The following ANKEF1 variants were observed in gnomAD, a reference collection of about 807,000 sequenced individuals.
The protein encoded by ANKEF1 is ankyrin repeat and EF-hand domain containing 1.
ANKEF1 carries 43 observed loss-of-function variants against 65.1 expected under a neutral mutation model. That is an observed-to-expected ratio of 0.66 (90% CI 0.52 to 0.85). The LOEUF (loss-of-function observed/expected upper bound fraction) is 0.85, where lower values mean the gene tolerates loss of function less well. Ranked by LOEUF, ANKEF1 falls within the 40% of genes least tolerant of loss-of-function variation. The probability of loss-of-function intolerance (pLI) is 0.00; values close to 1 mark genes in which losing one functional copy is unlikely to be tolerated. For missense variants in ANKEF1, 934 were observed against 952.9 expected (o/e 0.98, Z 0.26); for synonymous variants, 316 against 341.5 (o/e 0.93, Z 0.82).
At chr20:10,045,422 A>C in intron 5 of ANKEF1, 152 bp from the exon 6 acceptor site, 1 of 774,162 alleles carries the variant, frequency 1.3e-6, no homozygotes, top group East Asian at 2.9e-5. Flanking sequence ...ATGAAACTTA[A>C]ATATTTTCAG....
At position 10,055,646 on chromosome 20, in the gene ANKEF1, G is replaced by A; in HGVS notation, c.2317G>A (p.Ala773Thr). 6.2e-7 allele frequency: 1 copy of A among 1,613,780 alleles called. No homozygotes were observed. The highest frequency in any genetic ancestry group is 8.5e-7 in the Non-Finnish European group (1 of 1,179,766). ...AGAGAAAGCTCGAGCACTGGAAGCT[G>A]CCTTGAAGACCTAAGTCATAGCAGT... ...ITEKARALEA[A>T]LKT Residue 773 changes from alanine (A) to threonine (T), a missense_variant, in exon 11 of 11, where the codon GCC becomes ACC. Transcript: ENST00000378392.
At chr20:10,041,997 A>G (rs960141305) in intron 3 of ANKEF1, among the ~76,000 whole-genome samples, 1 of 152,112 alleles carries the variant, frequency 6.6e-6, no homozygotes, top group Non-Finnish European at 1.5e-5. Context: ...TGTAGCATTG[A>G]ATGTTGTTGT....
At position 10,055,950 on chromosome 20, in the gene ANKEF1, C is replaced by T. The variant is rs1268293870; in HGVS notation, c.*290C>T. ...GTTGCTGTCAAAAGATTTACCAGGT[C>T]TACACCATTATGCTTATTATTTTTT... is the stretch of plus-strand genomic sequence containing the variant. On this transcript the variant is annotated 3_prime_UTR_variant, in exon 11 of 11. Transcript: ENST00000378392. 2 of 322,894 alleles carry T rather than the reference C, an allele frequency of 6.2e-6. No homozygotes were observed. Among genetic ancestry groups the T allele is most frequent in the Non-Finnish European group, 5.9e-6 (1 of 170,038 alleles). 20.0% of individuals were successfully genotyped at this position (322,894 alleles called of 1,614,324 possible).
intron 8 of ANKEF1, 29 bp downstream of exon 8, chr20:10,051,918 G>A: frequency 6.6e-7 from 1 of 1,514,608 alleles, no homozygotes; most frequent in South Asian, 1.2e-5. Context: ...GATGATTAGG[G>A]TTAGAAAAGG....
At chr20:10,051,942 G>C (rs573580151) in intron 8 of ANKEF1, 53 bp downstream of exon 8, 1 of 1,353,520 alleles carries the variant, frequency 7.4e-7, no homozygotes, top group Non-Finnish European at 1.0e-6. Flanking sequence ...ACTTATGTTA[G>C]ATTCTAAGCC....
In ANKEF1 at chr20:10,056,560, T is replaced by G. The variant is rs1985182183; in HGVS notation, c.*900T>G. 6.6e-6 allele frequency: 1 copy of G among 150,726 alleles called. No homozygotes were observed. Among genetic ancestry groups the G allele is most frequent in the African/African-American group, 2.4e-5 (1 of 40,998 alleles). 9.3% of individuals were successfully genotyped at this position (150,726 alleles called of 1,614,324 possible). On this transcript the variant is annotated 3_prime_UTR_variant, in exon 11 of 11. Transcript: ENST00000378392. ...TAGAGATTTATTGCAAATAATTGGTTTACATAATTTTGGGCCCCAGATGGT... is the reference window on the plus strand; with the variant it reads ...TAGAGATTTATTGCAAATAATTGGTGTACATAATTTTGGGCCCCAGATGGT...
intron 8 of ANKEF1, among the ~76,000 whole-genome samples, 194 bp from the exon 9 acceptor site, chr20:10,052,918 T>C (rs764183227): frequency 6.6e-6 from 1 of 152,082 alleles, no homozygotes; most frequent in Non-Finnish European, 1.5e-5. Flanking sequence ...GCACTATAAA[T>C]CATGGGATCT....
chr20:10,055,441 T>G, intron 10 of ANKEF1, 61 bp from the exon 11 acceptor site: 3 of 1,457,372 alleles, frequency 2.1e-6, no homozygotes, highest in Non-Finnish European at 2.9e-6. Context: ...GTCTGGATAT[T>G]AGCATATTTA....
chr20:10,035,458 A>G (rs1048061158), intron 1 of ANKEF1, 121 bp from the exon 2 acceptor site: 9 of 152,248 alleles, frequency 5.9e-5, no homozygotes, highest in Admixed American at 6.5e-5. Flanking sequence ...CATGTAAACT[A>G]TCGCTTACAC....
At chr20:10,050,562 ATAAAT>A (rs1279076443) in intron 7 of ANKEF1, among the ~76,000 whole-genome samples, 1 of 152,094 alleles carries the variant, frequency 6.6e-6, no homozygotes, top group African/African-American at 2.4e-5. Flanking sequence ...AAAGCCTATA[ATAAAT>A]TAATTAAGCC....
At chr20:10,053,365 TAC>T (rs1984977422) in intron 9 of ANKEF1, 90 bp downstream of exon 9, 5 of 1,164,166 alleles carry the variant, frequency 4.3e-6, no homozygotes, top group Non-Finnish European at 1.2e-6. Flanking sequence ...CATATTGTTA[TAC>T]AACATGGGTA....
At chr20:10,042,467 G>T (rs1171396099) in intron 3 of ANKEF1, among the ~76,000 whole-genome samples, 1 of 152,042 alleles carries the variant, frequency 6.6e-6, no homozygotes, top group Non-Finnish European at 1.5e-5. Flanking sequence ...GTAACACTCT[G>T]CCCTGGGTTT....
chr20:10,053,647 G>A (rs1356026669), intron 9 of ANKEF1, among the ~76,000 whole-genome samples: 2 of 152,152 alleles, frequency 1.3e-5, no homozygotes, highest in African/African-American at 4.8e-5. Flanking sequence ...GAGGAGTGAA[G>A]TAAAGCATGA....
In ANKEF1 at chr20:10,055,905, A is replaced by G. The variant is rs2031246786; in HGVS notation, c.*245A>G. On this transcript the variant is annotated 3_prime_UTR_variant, in exon 11 of 11. Coordinates refer to ENST00000378392, the MANE Select transcript of ANKEF1 (RefSeq NM_022096.6). ...CCCCTTTATGAATGTAGTGAAATACATGGCATGTGGGTTATAAACGTTGCT... is the reference window on the plus strand; with the variant it reads ...CCCCTTTATGAATGTAGTGAAATACGTGGCATGTGGGTTATAAACGTTGCT... The G allele has an allele frequency of 2.2e-6, 1 of 458,074 alleles. No homozygotes were observed. Among genetic ancestry groups the G allele is most frequent in the South Asian group, 2.8e-5 (1 of 36,150 alleles). 28.4% of individuals were successfully genotyped at this position (458,074 alleles called of 1,614,324 possible).
intron 2 of ANKEF1, 79 bp downstream of exon 2, chr20:10,035,721 C>G (rs1441909825): frequency 6.6e-6 from 1 of 152,166 alleles, no homozygotes; most frequent in African/African-American, 2.4e-5. Context: ...CAACGGATTT[C>G]CCCACCTCAA....
At chr20:10,047,940 A>C (rs1984613499) in intron 6 of ANKEF1, among the ~76,000 whole-genome samples, 1 of 152,180 alleles carries the variant, frequency 6.6e-6, no homozygotes, top group Non-Finnish European at 1.5e-5. Context: ...CAGGATGAAA[A>C]TCCTTTGGTC....
chr20:10,047,090 TCTTTAA>T (rs757435678), intron 6 of ANKEF1, among the ~76,000 whole-genome samples: 4 of 152,248 alleles, frequency 2.6e-5, no homozygotes, highest in Non-Finnish European at 5.9e-5. Context: ...GAGACGAATT[TCTTTAA>T]CTTTAATATG....
At chr20:10,055,412 A>C (rs1239983686) in intron 10 of ANKEF1, 90 bp from the exon 11 acceptor site, 8 of 1,218,246 alleles carry the variant, frequency 6.6e-6, no homozygotes, top group Non-Finnish European at 8.2e-6. Flanking sequence ...TTTTAAGTTA[A>C]AACTGTGTAT....
At position 10,049,939 on chromosome 20, in the gene ANKEF1, A is replaced by G. The variant is rs201014236; in HGVS notation, c.1370A>G (p.Glu457Gly). 60 of 1,614,206 alleles carry G rather than the reference A, an allele frequency of 3.7e-5. No individual in the cohort carries two copies. The Middle Eastern group carries it at 6.6e-4, about 18-fold the overall frequency. The stretch of plus-strand genomic sequence containing the variant: ...GGTGGGCCACCGTATTACATGATTG[A>G]GACCTACAAGAATGTCACTGATAGC... ...QDGGPPYYMI[E>G]TYKNVTDSSR... The change falls in exon 7 of 11, where the codon GAG becomes GGG. Residue 457 changes from glutamate (E) to glycine (G), a missense_variant. By Grantham distance (98) the Glu-to-Gly change is moderately conservative. Coordinates refer to ENST00000378392, the MANE Select transcript of ANKEF1 (RefSeq NM_022096.6).
Sources: allele counts gnomAD v4.1 joint callset (sites outside exome capture counted in the v4.1 genomes callset), GRCh38; gene constraint gnomAD v4.1.1; transcripts MANE v1.5; gene names NCBI Gene and HGNC (gene_info 2026-07-23, HGNC 2026-07-21).